ZNF354C: variants seen among roughly 807,000 people sequenced by gnomAD.
ZNF354C encodes the protein zinc finger protein 354C, also known as KRAB-zinc finger protein synten.
In ZNF354C, 7 loss-of-function variants were observed where a neutral mutation model predicts 12.4. The ratio of observed to expected loss-of-function variants is 0.56; its 90% confidence interval spans 0.32 to 1.06. The LOEUF is 1.06. Among genes scored for constraint, ZNF354C ranks in the 50% least tolerant of loss-of-function variants. The pLI is 0.04. For missense variants in ZNF354C, 609 were observed against 658.0 expected, an observed-to-expected ratio of 0.93 and a Z score of 0.81; for synonymous variants, 202 against 224.5, an observed-to-expected ratio of 0.90 and a Z score of 0.90.
rs745630312 is a variant in ZNF354C, at chr5:179,079,208, T to G, written c.776T>G (p.Leu259Arg). ...CEKTFSHRSSLLSHQRIHTGE... is the reference protein window; with the variant it reads ...CEKTFSHRSSRLSHQRIHTGE... ...AAAACCTTCAGCCACAGATCATCCC[T>G]TCTTTCTCATCAGAGAATTCATACT... Residue 259 changes from leucine to arginine, a missense_variant, in exon 5 of 5, where the codon CTT (leucine) becomes CGT (arginine). Physicochemically the swap from Leu to Arg is moderately radical, Grantham distance 102 (BLOSUM62 -2). Transcript: ENST00000315475. This position sits in a 1 kb window ranked among gnomAD's most constrained non-coding sequence, Gnocchi z 4.2. The G allele has an allele frequency of 6.2e-7, 1 of 1,614,056 alleles. No homozygotes were observed. The highest frequency in any genetic ancestry group is 8.5e-7 in the Non-Finnish European group (1 of 1,179,994).
At chr5:179,068,071 A>G (rs1366049834) in intron 2 of ZNF354C, among the ~76,000 whole-genome samples, 1 of 152,084 alleles carries the variant, frequency 6.6e-6, no homozygotes, top group Non-Finnish European at 1.5e-5. Flanking sequence ...TCAGGTGGGA[A>G]GATCACTTGA....
chr5:179,066,815 C>G (rs1561747995), intron 2 of ZNF354C, among the ~76,000 whole-genome samples: 1 of 152,096 alleles, frequency 6.6e-6, no homozygotes, highest in East Asian at 1.9e-4. Context: ...TATAATATGC[C>G]TAGGTGTAGA....
Position 179,083,016 on chromosome 5 carries a change from A to G in ZNF354C, c.*2919A>G. 2 of 770,878 alleles carry G rather than the reference A, an allele frequency of 2.6e-6. No homozygotes were observed. Among genetic ancestry groups the G allele is most frequent in the Non-Finnish European group, 4.5e-6 (2 of 447,972 alleles). The allele number at this position is 770,878 out of a possible 1,614,324, so 47.8% of individuals were successfully genotyped here. A position where few individuals can be genotyped will look rare whatever the true frequency, so the allele number is the denominator to read the frequency against. Reference sequence around the variant, plus strand: ...CCCTACTTCATAGTTAATGAAGCCAAACTGATCTTGCACACATTCCACTGG... The same window carrying G: ...CCCTACTTCATAGTTAATGAAGCCAGACTGATCTTGCACACATTCCACTGG... On this transcript the variant is annotated 3_prime_UTR_variant, in exon 5 of 5. Transcript: ENST00000315475.
In ZNF354C at chr5:179,082,641, T is replaced by C. The variant is rs1470335833; in HGVS notation, c.*2544T>C. 6.7e-6 allele frequency: 10 copies of C among 1,502,846 alleles called. No individual in the cohort carries two copies. The African/African-American group carries it at 7.0e-5, about 10-fold the overall frequency. 93.1% of individuals were successfully genotyped at this position (1,502,846 alleles called of 1,614,324 possible). ...CACCAGATTCCTCCCAACTTGATCA[T>C]AGTGGATTAATGACGTGCTTTGTGG... On this transcript the variant is annotated 3_prime_UTR_variant, in exon 5 of 5. Coordinates refer to ENST00000315475, the MANE Select transcript of ZNF354C (RefSeq NM_014594.3).
chr5:179,070,532 G>A (rs1285132750), intron 2 of ZNF354C, among the ~76,000 whole-genome samples: 1 of 152,126 alleles, frequency 6.6e-6, no homozygotes, highest in African/African-American at 2.4e-5. Context: ...GAATGTTGCT[G>A]CCCTAGTTTC....
At chr5:179,071,910 G>T (rs559350564) in intron 2 of ZNF354C, among the ~76,000 whole-genome samples, 1 of 152,268 alleles carries the variant, frequency 6.6e-6, no homozygotes, top group South Asian at 2.1e-4. Flanking sequence ...TAGAGAGGTG[G>T]CAGAGTTCGG....
chr5:179,080,247 A>G lies in ZNF354C; in HGVS notation c.*150A>G, dbSNP rs1403157847. On this transcript the variant is annotated 3_prime_UTR_variant, in exon 5 of 5. Coordinates refer to ENST00000315475, the MANE Select transcript of ZNF354C (RefSeq NM_014594.3). The stretch of plus-strand genomic sequence containing the variant: ...CATGATAAAATTGATCAGTGAGACT[A>G]TGAAGAGCACTGACTTGTTAAATTT... 2 of 535,500 alleles carry G rather than the reference A, an allele frequency of 3.7e-6. No individual in the cohort carries two copies. Among genetic ancestry groups the G allele is most frequent in the Non-Finnish European group, 6.4e-6 (2 of 313,584 alleles). 33.2% of individuals were successfully genotyped at this position (535,500 alleles called of 1,614,324 possible).
Position 179,077,079 on chromosome 5 carries a change from T to C in ZNF354C, c.163T>C (p.Phe55Leu), listed in dbSNP as rs749669048. The C allele has an allele frequency of 3.1e-6, 5 of 1,614,022 alleles. No individual in the cohort carries two copies. The South Asian group carries it at 3.3e-5, about 11-fold the overall frequency. The change falls in exon 4 of 5, where the codon TTT (phenylalanine) becomes CTT (leucine). Residue 55 changes from phenylalanine (F) to leucine (L), a missense_variant. Physicochemically the swap from Phe to Leu is conservative, Grantham distance 22. Coordinates refer to ENST00000315475, the MANE Select transcript of ZNF354C (RefSeq NM_014594.3). ...YSSLVSLGIP[F>L]SMPKLIHQLQ... ...TGCTTCCTCATGAGCAGGGATTCCA[T>C]TTTCAATGCCAAAGTTGATTCATCA...
At position 179,079,334 on chromosome 5, in the gene ZNF354C, G is replaced by A. The variant is rs145456695; in HGVS notation, c.902G>A (p.Arg301Gln). ...LRVHTGEKPYRCRECGKAFSQ... is the reference protein window; with the variant it reads ...LRVHTGEKPYQCRECGKAFSQ... ...GTGCATACTGGAGAGAAACCGTATC[G>A]ATGTAGGGAATGTGGTAAAGCCTTT... The change falls in exon 5 of 5, where the codon CGA (arginine) becomes CAA (glutamine). Residue 301 changes from arginine to glutamine, a missense_variant. By Grantham distance (43) the Arg-to-Gln change is conservative. Coordinates refer to ENST00000315475, the MANE Select transcript of ZNF354C (RefSeq NM_014594.3). This position sits in a 1 kb window ranked among gnomAD's most constrained non-coding sequence, Gnocchi z 4.2. The A allele has an allele frequency of 2.8e-5, 45 of 1,613,650 alleles. No individual in the cohort carries two copies. Among genetic ancestry groups the A allele is most frequent in the Non-Finnish European group, 3.3e-5 (39 of 1,179,918 alleles).
At position 179,079,942 on chromosome 5, in the gene ZNF354C, G is replaced by C; in HGVS notation, c.1510G>C (p.Ala504Pro). The C allele has an allele frequency of 6.2e-7, 1 of 1,614,058 alleles. No individual in the cohort carries two copies. The highest frequency in any genetic ancestry group is 1.7e-4 in the Middle Eastern group (1 of 6,058). The part of the protein sequence containing the change: ...KLYKCMECGK[A>P]YSYRSNLCRH... ...GTATAAATGTATGGAATGTGGGAAA[G>C]CCTACAGTTACAGATCAAACCTTTG... is the stretch of plus-strand genomic sequence containing the variant. The change falls in exon 5 of 5, where the codon GCC (alanine) becomes CCC (proline). Residue 504 changes from alanine (A) to proline (P), a missense_variant. Physicochemically the swap from Ala to Pro is conservative, Grantham distance 27 (BLOSUM62 -1). Coordinates refer to ENST00000315475, the MANE Select transcript of ZNF354C (RefSeq NM_014594.3). This position sits in a 1 kb window ranked among gnomAD's most constrained non-coding sequence, Gnocchi z 4.2.
chr5:179,077,007 A>G, intron 3 of ZNF354C, 64 bp from the exon 4 acceptor site: 1 of 1,383,842 alleles, frequency 7.2e-7, no homozygotes, highest in East Asian at 2.3e-5. Flanking sequence ...AGTGAGTAGT[A>G]GGTCAGTTCT....
intron 2 of ZNF354C, among the ~76,000 whole-genome samples, chr5:179,062,996 G>C (rs957294629): frequency 2.0e-5 from 3 of 152,114 alleles, no homozygotes; most frequent in Non-Finnish European, 4.4e-5. Context: ...CGACGTGGAA[G>C]TCCCATCTTT....
chr5:179,069,392 A>G (rs967269663), intron 2 of ZNF354C, among the ~76,000 whole-genome samples: 5 of 152,116 alleles, frequency 3.3e-5, no homozygotes, highest in Non-Finnish European at 7.3e-5. Context: ...CAGGCAGAAT[A>G]TGTTTACCAA....
chr5:179,062,155 A>G, intron 2 of ZNF354C, 60 bp downstream of exon 2: 1 of 1,601,586 alleles, frequency 6.2e-7, no homozygotes, highest in South Asian at 1.1e-5. Flanking sequence ...GAGATGGTAG[A>G]CATGTTTCCA....
chr5:179,061,061 T>C (rs561208520), intron 1 of ZNF354C, among the ~76,000 whole-genome samples: 103 of 152,324 alleles, frequency 6.8e-4, no homozygotes, highest in African/African-American at 2.4e-3. Context: ...AAATACTGCG[T>C]GGAAAACACT....
intron 2 of ZNF354C, among the ~76,000 whole-genome samples, chr5:179,066,795 GCAGTTTT>G (rs1187926985): frequency 6.6e-6 from 1 of 152,020 alleles, no homozygotes; most frequent in Non-Finnish European, 1.5e-5. Context: ...TTGGTGTTCT[GCAGTTTT>G]CATATAATAT....
intron 3 of ZNF354C, 129 bp downstream of exon 3, chr5:179,076,700 A>G (rs1762128821): frequency 8.3e-7 from 1 of 1,205,430 alleles, no homozygotes; most frequent in African/African-American, 1.5e-5. Flanking sequence ...GTAGAGTGGA[A>G]AGTGTACATC....
intron 2 of ZNF354C, among the ~76,000 whole-genome samples, chr5:179,063,925 G>A (rs1761925996): frequency 6.6e-6 from 1 of 152,254 alleles, no homozygotes; most frequent in African/African-American, 2.4e-5. Context: ...GGACCTGCCA[G>A]ATTTGGTGTG....
intron 2 of ZNF354C, among the ~76,000 whole-genome samples, chr5:179,074,680 C>T (rs964320181): frequency 1.3e-5 from 2 of 152,172 alleles, no homozygotes; most frequent in African/African-American, 4.8e-5. Flanking sequence ...TCCCTGAACT[C>T]TCTTTCTCTT....
Sources: gnomAD v4.1 joint callset for allele counts (sites outside exome capture counted in the v4.1 genomes callset) on GRCh38, gnomAD v4.1.1 for gene constraint, Gnocchi (gnomAD v3.1) non-coding constraint, MANE v1.5 for transcripts, NCBI Gene and HGNC (gene_info 2026-07-23, HGNC 2026-07-21) for gene names.